The following IMMP2L variants were observed in gnomAD, a reference collection of about 807,000 sequenced individuals.
The protein encoded by IMMP2L is mitochondrial inner membrane protease subunit 2.
IMMP2L carries 18 observed loss-of-function variants against 19.3 expected under a neutral mutation model. The ratio of observed to expected loss-of-function variants is 0.93; its 90% CI spans 0.64 to 1.38. The LOEUF (loss-of-function observed/expected upper bound fraction) is 1.38. IMMP2L is among the 40% of genes most tolerant of loss of function. The pLI is 0.00. For synonymous variants in IMMP2L, 76 were observed against 73.0 expected, an observed-to-expected ratio of 1.04 and a Z score of -0.21; for missense variants, 233 against 218.2, an observed-to-expected ratio of 1.07 and a Z score of -0.43.
chr7:111,464,781 C>A (rs1326919481), intron 3 of IMMP2L, among the ~76,000 whole-genome samples: 1 of 151,986 alleles, frequency 6.6e-6, no homozygotes, highest in African/African-American at 2.4e-5. Flanking sequence ...ACAGCCAACT[C>A]TTTTTTATTT....
At chr7:111,187,011 A>G (rs1170271534) in intron 3 of IMMP2L, among the ~76,000 whole-genome samples, 1 of 151,930 alleles carries the variant, frequency 6.6e-6, no homozygotes, top group Non-Finnish European at 1.5e-5. Context: ...TAGTTCTGGG[A>G]ATAGAATTAG....
chr7:110,779,912 T>C (rs1025947808), intron 5 of IMMP2L, among the ~76,000 whole-genome samples: 5 of 151,854 alleles, frequency 3.3e-5, no homozygotes, highest in African/African-American at 4.8e-5. Flanking sequence ...ATCTGGACTC[T>C]GAATTTGATT....
intron 4 of IMMP2L, among the ~76,000 whole-genome samples, chr7:110,938,548 C>G (rs74582876): frequency 4.7e-4 from 71 of 152,240 alleles, no homozygotes; most frequent in Non-Finnish European, 8.7e-4. Context: ...AACTATTCAT[C>G]TATGTATGCC....
intron 5 of IMMP2L, among the ~76,000 whole-genome samples, chr7:110,846,402 G>A (rs758599820): frequency 1.9e-4 from 26 of 138,302 alleles, no homozygotes; most frequent in African/African-American, 6.9e-4. Flanking sequence ...GTCTCACTTC[G>A]TCACCCAGGC....
intron 3 of IMMP2L, among the ~76,000 whole-genome samples, chr7:111,127,508 G>A (rs1036633239): frequency 6.6e-6 from 1 of 152,078 alleles, no homozygotes; most frequent in African/African-American, 2.4e-5. Flanking sequence ...AAAATATACA[G>A]ATGCTCAAGG....
chr7:111,111,658 T>TC (rs983456033), intron 3 of IMMP2L, among the ~76,000 whole-genome samples: 13 of 151,266 alleles, frequency 8.6e-5, no homozygotes, highest in Non-Finnish European at 1.3e-4. Flanking sequence ...TCAACTAATG[T>TC]CCCCCCCTGC....
At chr7:111,344,895 A>G (rs1827380660) in intron 3 of IMMP2L, among the ~76,000 whole-genome samples, 1 of 152,136 alleles carries the variant, frequency 6.6e-6, no homozygotes, top group Non-Finnish European at 1.5e-5. Context: ...AGTTCTGAAA[A>G]TGAAGTGGCA....
chr7:111,506,774 A>G (rs372656622), intron 2 of IMMP2L, among the ~76,000 whole-genome samples: 1 of 152,246 alleles, frequency 6.6e-6, no homozygotes, highest in South Asian at 2.1e-4. Context: ...AGAGTTTACA[A>G]TATATTTTGT....
intron 3 of IMMP2L, among the ~76,000 whole-genome samples, chr7:111,017,687 C>T (rs1040050691): frequency 2.6e-5 from 4 of 151,950 alleles, no homozygotes; most frequent in African/African-American, 9.7e-5. Context: ...GGTTTTGACC[C>T]TTTGTGTTAT....
intron 3 of IMMP2L, among the ~76,000 whole-genome samples, chr7:111,231,735 A>C (rs78713316): frequency 0.043 from 6,504 of 152,138 alleles, 200 homozygotes; most frequent in South Asian, 0.082. Flanking sequence ...TGAGTACTGA[A>C]GTAACATAAA....
At chr7:111,093,787 C>T (rs975679624) in intron 3 of IMMP2L, among the ~76,000 whole-genome samples, 1 of 152,094 alleles carries the variant, frequency 6.6e-6, no homozygotes, top group Non-Finnish European at 1.5e-5. Context: ...TTGTGTATGA[C>T]TGGAAGATTT....
intron 4 of IMMP2L, among the ~76,000 whole-genome samples, chr7:110,950,188 G>A (rs1817650235): frequency 6.6e-6 from 1 of 152,002 alleles, no homozygotes. Flanking sequence ...TGGATATCCA[G>A]GTTTTTTCAA....
intron 3 of IMMP2L, among the ~76,000 whole-genome samples, chr7:111,385,167 G>A (rs1831609919): frequency 1.3e-5 from 2 of 152,080 alleles, no homozygotes; most frequent in African/African-American, 2.4e-5. Context: ...TGGAGGTGGG[G>A]GGGCAAGGGT....
chr7:111,239,512 C>T (rs1314380385), intron 3 of IMMP2L, among the ~76,000 whole-genome samples: 4 of 151,850 alleles, frequency 2.6e-5, no homozygotes, highest in Non-Finnish European at 4.4e-5. Context: ...ATTTGGAAAA[C>T]AAAAATAACA....
intron 1 of IMMP2L, among the ~76,000 whole-genome samples, chr7:111,545,336 G>A (rs1848830753): frequency 6.6e-6 from 1 of 152,068 alleles, no homozygotes; most frequent in African/African-American, 2.4e-5. Flanking sequence ...TTTCTTTGCA[G>A]AAATGTCAAT....
At chr7:111,314,047 G>C (rs961438677) in intron 3 of IMMP2L, among the ~76,000 whole-genome samples, 8 of 152,240 alleles carry the variant, frequency 5.3e-5, no homozygotes, top group African/African-American at 1.9e-4. Flanking sequence ...CTTCCACCAT[G>C]AGTAAAAGCT....
chr7:111,199,520 G>C (rs546975559), intron 3 of IMMP2L, among the ~76,000 whole-genome samples: 39 of 152,188 alleles, frequency 2.6e-4, no homozygotes, highest in African/African-American at 8.9e-4. Flanking sequence ...AATAGAAAAA[G>C]AAAAGCCAAT....
chr7:110,956,398 A>C (rs1818356928), intron 4 of IMMP2L, among the ~76,000 whole-genome samples: 1 of 152,012 alleles, frequency 6.6e-6, no homozygotes, highest in Non-Finnish European at 1.5e-5. Context: ...CCCCTGCCTG[A>C]TTCCTCCCTG....
intron 3 of IMMP2L, among the ~76,000 whole-genome samples, chr7:111,320,636 C>T (rs545940726): frequency 3.3e-4 from 50 of 152,178 alleles, no homozygotes; most frequent in African/African-American, 1.2e-3. Flanking sequence ...TGGTACCCAA[C>T]AATGCCAAAC....
Sources: gnomAD v4.1 joint callset for allele counts (sites outside exome capture counted in the v4.1 genomes callset) on GRCh38, gnomAD v4.1.1 for gene constraint, MANE v1.5 for transcripts, NCBI Gene and HGNC (gene_info 2026-07-23, HGNC 2026-07-21) for gene names.